The following ZBTB20 variants were observed in gnomAD, a reference collection of about 807,000 sequenced individuals.
ZBTB20 encodes zinc finger and BTB domain-containing protein 20.
ZBTB20 carries 9 observed loss-of-function variants against 56.9 expected under a neutral mutation model. The observed-to-expected ratio is 0.16, with a 90% confidence interval of 0.10 to 0.28. ZBTB20 has a LOEUF of 0.28. ZBTB20 is among the 10% of genes least tolerant of loss of function. The probability of loss-of-function intolerance (pLI) is 1.00; values close to 1 mark genes in which losing one functional copy is unlikely to be tolerated. For missense variants in ZBTB20, 655 were observed against 1,003.0 expected (o/e 0.65, Z 4.69); for synonymous variants, 417 against 420.7 (o/e 0.99, Z 0.11).
At chr3:114,802,850 CGT>C (rs2071819378) in intron 4 of ZBTB20, among the ~76,000 whole-genome samples, 1 of 151,792 alleles carries the variant, frequency 6.6e-6, no homozygotes, top group Admixed American at 6.6e-5. Context: ...CTAGTTTAGA[CGT>C]GAAAAGGTGA....
At chr3:114,440,783 G>A (rs189639995) in intron 7 of ZBTB20, among the ~76,000 whole-genome samples, 14 of 152,310 alleles carry the variant, frequency 9.2e-5, no homozygotes, top group Middle Eastern at 3.4e-3. Flanking sequence ...GGAAGGAAGA[G>A]CTTTTTGGAG....
intron 5 of ZBTB20, among the ~76,000 whole-genome samples, chr3:114,739,289 T>C (rs533651838): frequency 6.6e-6 from 1 of 152,314 alleles, no homozygotes; most frequent in Admixed American, 6.5e-5. Context: ...GCAAAACCTT[T>C]CTATCATACC....
intron 2 of ZBTB20, among the ~76,000 whole-genome samples, chr3:115,002,544 A>G (rs529753384): frequency 2.0e-5 from 3 of 151,460 alleles, no homozygotes; most frequent in Non-Finnish European, 4.4e-5. Context: ...AGATCTGAAC[A>G]GACATCTCAC....
intron 6 of ZBTB20, among the ~76,000 whole-genome samples, chr3:114,666,030 T>C (rs2061035245): frequency 6.6e-6 from 1 of 152,068 alleles, no homozygotes. Context: ...CTATCCTAAA[T>C]GGACCGCATG....
intron 6 of ZBTB20, among the ~76,000 whole-genome samples, chr3:114,543,611 T>C (rs918171408): frequency 6.6e-6 from 1 of 152,200 alleles, no homozygotes; most frequent in Non-Finnish European, 1.5e-5. Context: ...ATAAACTCTA[T>C]TAGAAAACTG....
At chr3:114,566,949 T>C (rs1014982784) in intron 6 of ZBTB20, among the ~76,000 whole-genome samples, 10 of 152,218 alleles carry the variant, frequency 6.6e-5, no homozygotes, top group Non-Finnish European at 1.3e-4. Flanking sequence ...TGATGTGATC[T>C]ATTCCAGTAG....
intron 6 of ZBTB20, among the ~76,000 whole-genome samples, chr3:114,657,634 C>T (rs1468686091): frequency 1.3e-5 from 2 of 152,128 alleles, no homozygotes; most frequent in Non-Finnish European, 2.9e-5. Flanking sequence ...CATCACAAAC[C>T]AATAAGATTG....
intron 11 of ZBTB20, among the ~76,000 whole-genome samples, chr3:114,349,051 T>C (rs2080421957): frequency 6.6e-6 from 1 of 151,806 alleles, no homozygotes; most frequent in African/African-American, 2.4e-5. Context: ...AATAAAAAAG[T>C]TAAATGAGCG....
chr3:114,465,180 C>G (rs1023396406), intron 7 of ZBTB20, among the ~76,000 whole-genome samples: 6 of 151,268 alleles, frequency 4.0e-5, no homozygotes, highest in Non-Finnish European at 7.4e-5. Context: ...TAAGTTTGTT[C>G]TAGATTAAGG....
In ZBTB20 at chr3:114,319,671, C is replaced by G. The variant is rs2078822239; in HGVS notation, c.*19334G>C. ...GATACCAATGAGTCACTGACAGTCC[C>G]CAGGTTGTACAACTATCCATTGCAA... is the stretch of plus-strand genomic sequence containing the variant. On this transcript the variant is annotated 3_prime_UTR_variant, in exon 12 of 12. Transcript: ENST00000675478. The G allele has an allele frequency of 6.6e-6, 1 of 152,038 alleles. No individual in the cohort carries two copies. The highest frequency in any genetic ancestry group is 2.4e-5 in the African/African-American group (1 of 41,382). 9.4% of individuals were successfully genotyped at this position (152,038 alleles called of 1,614,324 possible).
At chr3:114,556,231 T>A (rs2051205672) in intron 6 of ZBTB20, among the ~76,000 whole-genome samples, 1 of 152,102 alleles carries the variant, frequency 6.6e-6, no homozygotes, top group African/African-American at 2.4e-5. Flanking sequence ...GAACTCATGA[T>A]TTTCAGGTCC....
Position 114,347,077 on chromosome 3 carries a change from G to GT in ZBTB20, c.1804+3196dup, listed in dbSNP as rs59044965. The stretch of plus-strand genomic sequence containing the variant: ...GAATCTTATAATTTATTCTCTTCAG[G>GT]TTTTTTTTTTTTTTTTTTTTTTTTT... On this transcript the variant is annotated intron_variant, in intron 11 of 11. Transcript: ENST00000675478. Among the ~76,000 whole-genome samples, 115 of 71,040 alleles carry GT rather than the reference G, an allele frequency of 1.6e-3. 6 individuals are homozygous for GT. Among genetic ancestry groups the GT allele is most frequent in the African/African-American group, 5.8e-3 (89 of 15,462 alleles). The allele number at this position is 71,040 out of a possible 152,430, so 46.6% of individuals were successfully genotyped here. A position where few individuals can be genotyped will look rare whatever the true frequency, so the allele number is the denominator to read the frequency against.
At chr3:114,490,359 T>C (rs1026810330) in intron 7 of ZBTB20, among the ~76,000 whole-genome samples, 3 of 151,904 alleles carry the variant, frequency 2.0e-5, no homozygotes, top group African/African-American at 7.3e-5. Context: ...GTAGCTAGGA[T>C]TACAAGCACC....
intron 10 of ZBTB20, among the ~76,000 whole-genome samples, chr3:114,367,594 C>T (rs548319597): frequency 4.6e-5 from 7 of 152,116 alleles, no homozygotes; most frequent in African/African-American, 1.4e-4. Flanking sequence ...CACTTGAAGA[C>T]AAAAAGGAAC....
intron 10 of ZBTB20, among the ~76,000 whole-genome samples, chr3:114,376,256 T>G (rs965562163): frequency 6.6e-6 from 1 of 152,154 alleles, no homozygotes; most frequent in Non-Finnish European, 1.5e-5. Context: ...TGTGCTCCTT[T>G]CCACATACGT....
chr3:114,748,997 T>C (rs2067338212), intron 5 of ZBTB20, among the ~76,000 whole-genome samples: 1 of 152,210 alleles, frequency 6.6e-6, no homozygotes, highest in Non-Finnish European at 1.5e-5. Context: ...AATAATTAGA[T>C]TTTAGTTTTG....
At chr3:115,050,724 C>T (rs182525894) in intron 2 of ZBTB20, among the ~76,000 whole-genome samples, 22 of 151,920 alleles carry the variant, frequency 1.4e-4, no homozygotes, top group East Asian at 9.7e-4. Context: ...AACTTTTCAC[C>T]GAAACTTTTA....
intron 7 of ZBTB20, among the ~76,000 whole-genome samples, chr3:114,391,923 C>T (rs902430315): frequency 3.3e-5 from 5 of 152,150 alleles, no homozygotes; most frequent in African/African-American, 1.2e-4. Context: ...TCAGTAATGA[C>T]AAGACCAGAG....
At chr3:114,554,663 ATCTTTGGC>A (rs1184631647) in intron 6 of ZBTB20, among the ~76,000 whole-genome samples, 1 of 152,172 alleles carries the variant, frequency 6.6e-6, no homozygotes, top group Non-Finnish European at 1.5e-5. Flanking sequence ...CTTCTATTTG[ATCTTTGGC>A]TCTGCAGTTT....
Sources: gnomAD v4.1 joint callset for allele counts (sites outside exome capture counted in the v4.1 genomes callset) on GRCh38, gnomAD v4.1.1 for gene constraint, MANE v1.5 for transcripts, NCBI Gene and HGNC (gene_info 2026-07-23, HGNC 2026-07-21) for gene names.